Variants in LITAFD observed in about 807,000 individuals in gnomAD.
The protein encoded by LITAFD is lITAF domain-containing protein.
chr16:8,884,987 G>A (rs2061558905), intron 3 of LITAFD, 200 bp from the exon 4 acceptor site: 1 of 398,110 alleles, frequency 2.5e-6, no homozygotes, highest in Non-Finnish European at 4.4e-6. Flanking sequence ...CTACTCAGGA[G>A]ACTGAGGCAG....
intron 3 of LITAFD, 29 bp from the exon 4 acceptor site, chr16:8,885,158 C>G (rs1018231205): frequency 5.0e-6 from 2 of 399,304 alleles, no homozygotes; most frequent in African/African-American, 4.1e-5. Context: ...TGGCCCCGCT[C>G]ACGCCCAGCC....
intron 2 of LITAFD, 36 bp from the exon 3 acceptor site, chr16:8,884,287 G>T (rs1324703117): frequency 7.5e-6 from 3 of 398,804 alleles, no homozygotes; most frequent in Non-Finnish European, 1.3e-5. Context: ...CTGGCCCCGG[G>T]GGGTCCCACC....
chr16:8,884,750 G>A (rs978832843), intron 3 of LITAFD, among the ~76,000 whole-genome samples: 15 of 152,126 alleles, frequency 9.9e-5, no homozygotes, highest in Admixed American at 5.9e-4. Flanking sequence ...AAGAGCTTGC[G>A]GGTTCAGGAT....
intron 3 of LITAFD, 117 bp downstream of exon 3, chr16:8,884,582 G>C (rs1369105606): frequency 2.5e-6 from 1 of 397,546 alleles, no homozygotes; most frequent in African/African-American, 2.1e-5. Flanking sequence ...AAGCATAGGG[G>C]AGGCCAGTTG....
chr16:8,885,249 C>T lies in LITAFD; in HGVS notation c.173C>T (p.Ser58Leu), dbSNP rs909962260. Residue 58 changes from serine (S) to leucine (L), a missense_variant, in exon 4 of 4, where the codon TCG (serine) becomes TTG (leucine). By Grantham distance (145) the Ser-to-Leu change is moderately radical. Transcript: ENST00000636296. ...AGGAGCCTAATGGACGTGAAGCACT[C>T]GTGTCCCGTGTGTCAGCGCGAGCTC... The T allele has an allele frequency of 8.8e-5, 35 of 398,996 alleles. No individual in the cohort carries two copies. The Admixed American group carries it at 1.5e-3, about 17-fold the overall frequency. The allele number at this position is 398,996 out of a possible 1,614,324, so 24.7% of individuals were successfully genotyped here. A position where few individuals can be genotyped will look rare whatever the true frequency, so the allele number is the denominator to read the frequency against.
chr16:8,885,127 C>T (rs751835871), intron 3 of LITAFD, 60 bp from the exon 4 acceptor site: 31 of 399,154 alleles, frequency 7.8e-5, no homozygotes, highest in Non-Finnish European at 1.4e-4. Flanking sequence ...GTCCCAGGTG[C>T]GTCCAGCGTA....
intron 2 of LITAFD, 125 bp downstream of exon 2, chr16:8,883,411 T>G (rs1474030525): frequency 1.1e-4 from 17 of 152,174 alleles, no homozygotes; most frequent in Admixed American, 1.0e-3. Flanking sequence ...TCTGGCAAGT[T>G]CTCCTCCCCT....
chr16:8,883,488 G>A (rs1166072366), intron 2 of LITAFD, among the ~76,000 whole-genome samples: 1 of 152,112 alleles, frequency 6.6e-6, no homozygotes, highest in African/African-American at 2.4e-5. Flanking sequence ...TGTGTTGCCA[G>A]TGGCCACCGA....
intron 3 of LITAFD, 129 bp downstream of exon 3, chr16:8,884,594 G>GT (rs2061556634): frequency 2.5e-6 from 1 of 397,240 alleles, no homozygotes; most frequent in African/African-American, 2.1e-5. Flanking sequence ...GGCCAGTTGG[G>GT]TGGGGCCATT....
Position 8,884,313 on chromosome 16 carries a change from A to G in LITAFD, c.-33-10A>G. ...GGGTCCCACCTGCTTCCCGCTTCCC[A>G]CTCCCACAGCTGTATGCCGGCATGT... On this transcript the variant is annotated splice_polypyrimidine_tract_variant and intron_variant, in intron 2 of 3. Transcript: ENST00000636296. The G allele has an allele frequency of 2.5e-6, 1 of 398,564 alleles. No individual in the cohort carries two copies. The highest frequency in any genetic ancestry group is 4.4e-6 in the Non-Finnish European group (1 of 226,030). The allele number at this position is 398,564 out of a possible 1,614,324, so 24.7% of individuals were successfully genotyped here.
At chr16:8,882,908 T>C (rs968257034) in intron 1 of LITAFD, 2 of 152,236 alleles carry the variant, frequency 1.3e-5, no homozygotes, top group African/African-American at 4.8e-5. Flanking sequence ...TTGGGAAAGT[T>C]ACCGAATCTT....
At chr16:8,884,961 G>C (rs369513428) in intron 3 of LITAFD, 1 of 397,152 alleles carries the variant, frequency 2.5e-6, no homozygotes. Flanking sequence ...GTGGTGGCAC[G>C]TGCCTGTAAT....
At chr16:8,884,666 G>A (rs2061557055) in intron 3 of LITAFD, among the ~76,000 whole-genome samples, 1 of 152,198 alleles carries the variant, frequency 6.6e-6, no homozygotes, top group South Asian at 2.1e-4. Flanking sequence ...ACAGCAGGGA[G>A]TGGAGGGGTG....
intron 2 of LITAFD, among the ~76,000 whole-genome samples, chr16:8,883,896 C>G (rs913947071): frequency 1.3e-5 from 2 of 152,148 alleles, no homozygotes; most frequent in Non-Finnish European, 2.9e-5. Flanking sequence ...AAAACCCCAT[C>G]TCTACTAAAA....
intron 1 of LITAFD, among the ~76,000 whole-genome samples, 199 bp from the exon 2 acceptor site, chr16:8,883,011 T>G (rs540707687): frequency 6.6e-6 from 1 of 152,232 alleles, no homozygotes; most frequent in East Asian, 1.9e-4. Context: ...AATTTTTGTA[T>G]TTGTAGTTGA....
At chr16:8,884,290 G>C (rs1021437931) in intron 2 of LITAFD, 33 bp from the exon 3 acceptor site, 5 of 398,812 alleles carry the variant, frequency 1.3e-5, no homozygotes, top group African/African-American at 1.0e-4. Context: ...GCCCCGGGGG[G>C]TCCCACCTGC....
chr16:8,882,758 C>T (rs16964628), intron 1 of LITAFD: 48,780 of 152,128 alleles, frequency 0.32, 8,088 homozygotes, highest in South Asian at 0.44. Context: ...GCAAGGAAGT[C>T]GCCAAATGAG....
chr16:8,883,891 C>A (rs1361801560), intron 2 of LITAFD, among the ~76,000 whole-genome samples: 2 of 152,072 alleles, frequency 1.3e-5, no homozygotes, highest in African/African-American at 2.4e-5. Flanking sequence ...ATGGCAAAAC[C>A]CCATCTCTAC....
intron 2 of LITAFD, among the ~76,000 whole-genome samples, chr16:8,883,886 A>G (rs2061552946): frequency 6.6e-6 from 1 of 152,130 alleles, no homozygotes. Flanking sequence ...CCAACATGGC[A>G]AAACCCCATC....
Sources: allele counts gnomAD v4.1 joint callset (sites outside exome capture counted in the v4.1 genomes callset), GRCh38; gene constraint gnomAD v4.1.1; transcripts MANE v1.5; gene names NCBI Gene and HGNC (gene_info 2026-07-23, HGNC 2026-07-21).